TANGO6: variants seen among roughly 807,000 people sequenced by gnomAD.
TANGO6 encodes the protein transport and Golgi organization protein 6 homolog.
A neutral mutation model predicts 114.2 loss-of-function variants in TANGO6; 90 were observed. That is an observed-to-expected ratio of 0.79 (90% CI 0.66 to 0.94). The LOEUF is 0.94. Ranked by LOEUF, TANGO6 falls within the 40% of genes least tolerant of loss-of-function variation. The pLI, the probability that TANGO6 is intolerant of heterozygous loss-of-function variation, is 0.00. For synonymous variants in TANGO6, 477 were observed against 509.8 expected (o/e 0.94, Z 0.87); for missense variants, 1,274 against 1,315.3 (o/e 0.97, Z 0.49).
At chr16:69,073,723 G>A (rs576547884) in intron 17 of TANGO6, among the ~76,000 whole-genome samples, 3 of 152,276 alleles carry the variant, frequency 2.0e-5, no homozygotes, top group South Asian at 2.1e-4. Flanking sequence ...TTGGGAGGCC[G>A]AGGCCGGCAG....
At chr16:69,058,880 A>G (rs547007116) in intron 17 of TANGO6, among the ~76,000 whole-genome samples, 1 of 146,602 alleles carries the variant, frequency 6.8e-6, no homozygotes, top group East Asian at 2.0e-4. Context: ...GTTAGCCAGA[A>G]TGGTCTTTAA....
chr16:68,907,421 T>A (rs778832656), intron 9 of TANGO6, 22 bp from the exon 10 acceptor site: 1 of 1,555,854 alleles, frequency 6.4e-7, no homozygotes, highest in South Asian at 1.2e-5. Flanking sequence ...ACTACCAAGA[T>A]AAATTTTACC....
chr16:68,870,159 G>C (rs1962246010), intron 4 of TANGO6, among the ~76,000 whole-genome samples: 2 of 152,200 alleles, frequency 1.3e-5, no homozygotes, highest in African/African-American at 4.8e-5. Context: ...AATCACGGAG[G>C]CTTGGATTAA....
At chr16:69,061,745 C>A (rs1049820989) in intron 17 of TANGO6, among the ~76,000 whole-genome samples, 2 of 152,080 alleles carry the variant, frequency 1.3e-5, no homozygotes, top group African/African-American at 2.4e-5. Context: ...CGGCCGGGCG[C>A]GCGGTGGCTC....
intron 14 of TANGO6, among the ~76,000 whole-genome samples, chr16:68,962,276 A>G (rs556021391): frequency 5.4e-4 from 82 of 152,270 alleles, no homozygotes; most frequent in Admixed American, 9.2e-4. Flanking sequence ...AAAGGGTGGT[A>G]TTTCCTTCTC....
chr16:68,997,068 A>T (rs1963998262), intron 15 of TANGO6, among the ~76,000 whole-genome samples: 1 of 152,222 alleles, frequency 6.6e-6, no homozygotes, highest in Non-Finnish European at 1.5e-5. Context: ...TCTGTGGGTT[A>T]ATGTTTGTCA....
At chr16:69,030,149 G>A (rs1443547458) in intron 16 of TANGO6, among the ~76,000 whole-genome samples, 1 of 150,418 alleles carries the variant, frequency 6.6e-6, no homozygotes, top group African/African-American at 2.4e-5. Context: ...AGAACAGAGT[G>A]ATCAGTGTCC....
rs772741509 is a variant in TANGO6 at position 69,083,512 on chromosome 16, T to C, written c.3136T>C (p.Tyr1046His). ...GCTGAGCGCCGTCCTCAAGGATCTC[T>C]ACCACCTGCTGAAGCACGTAGTGTG... ...EVLSAVLKDL[Y>H]HLLKHVVCLE... The change falls in exon 18 of 18, where the codon TAC becomes CAC. Residue 1046 changes from tyrosine to histidine, a missense_variant. Coordinates refer to ENST00000261778, the MANE Select transcript of TANGO6 (RefSeq NM_024562.2). The C allele has an allele frequency of 3.7e-6, 6 of 1,612,280 alleles. No homozygotes were observed. Among genetic ancestry groups the C allele is most frequent in the African/African-American group, 1.3e-5 (1 of 74,922 alleles).
At chr16:69,015,353 A>C (rs2063794143) in intron 15 of TANGO6, among the ~76,000 whole-genome samples, 1 of 152,118 alleles carries the variant, frequency 6.6e-6, no homozygotes, top group Non-Finnish European at 1.5e-5. Context: ...GAGCCAGCTG[A>C]CCAGGTACAA....
At chr16:69,033,191 T>G (rs543201530) in intron 16 of TANGO6, among the ~76,000 whole-genome samples, 2 of 152,138 alleles carry the variant, frequency 1.3e-5, no homozygotes, top group African/African-American at 4.8e-5. Flanking sequence ...GTCTCAAAAA[T>G]AAGTAAATAA....
chr16:69,033,021 A>G (rs1296021190), intron 16 of TANGO6, among the ~76,000 whole-genome samples: 1 of 151,760 alleles, frequency 6.6e-6, no homozygotes, highest in Non-Finnish European at 1.5e-5. Context: ...CCCCATCTCC[A>G]CTAAAAATAC....
At chr16:68,951,960 A>G (rs1015512720) in intron 14 of TANGO6, among the ~76,000 whole-genome samples, 6 of 152,248 alleles carry the variant, frequency 3.9e-5, no homozygotes, top group South Asian at 2.1e-4. Context: ...ACCATGGATC[A>G]TGACATTTTC....
At chr16:69,067,327 G>A (rs1055728385) in intron 17 of TANGO6, among the ~76,000 whole-genome samples, 9 of 151,270 alleles carry the variant, frequency 5.9e-5, no homozygotes, top group African/African-American at 1.7e-4. Context: ...TGGCCAACAT[G>A]GTGAAACCCC....
intron 7 of TANGO6, among the ~76,000 whole-genome samples, chr16:68,891,522 A>G (rs1253004055): frequency 6.6e-6 from 1 of 152,140 alleles, no homozygotes; most frequent in Non-Finnish European, 1.5e-5. Context: ...GTTTTGTTTT[A>G]TTTTGTTTGC....
intron 14 of TANGO6, 131 bp from the exon 15 acceptor site, chr16:68,973,897 G>T: frequency 2.9e-6 from 3 of 1,038,540 alleles, no homozygotes; most frequent in East Asian, 2.6e-5. Flanking sequence ...CAAACAATAG[G>T]CAGCCCTTGC....
At chr16:69,054,964 A>C (rs1400547558) in intron 17 of TANGO6, among the ~76,000 whole-genome samples, 1 of 140,402 alleles carries the variant, frequency 7.1e-6, no homozygotes, top group Non-Finnish European at 1.6e-5. Flanking sequence ...AAAAAAAAAA[A>C]CTTCTGTTGC....
intron 15 of TANGO6, among the ~76,000 whole-genome samples, chr16:69,017,292 T>C (rs779480529): frequency 1.8e-4 from 28 of 152,228 alleles, no homozygotes; most frequent in Non-Finnish European, 3.4e-4. Context: ...GTATCTTTCT[T>C]GCTTATGATT....
In TANGO6 at chr16:68,909,310, G is replaced by C. The variant is rs753991633; in HGVS notation, c.1900G>C (p.Val634Leu). 1.9e-6 allele frequency: 3 copies of C among 1,610,650 alleles called. No individual in the cohort carries two copies. Among genetic ancestry groups the C allele is most frequent in the Non-Finnish European group, 2.5e-6 (3 of 1,178,368 alleles). ...ATTAGAGCAACATCAGACTCTTCTT[G>C]TGGAAGGCCAAGAGCGGAAGCTGCT... is the stretch of plus-strand genomic sequence containing the variant. Reference protein sequence around the residue: ...LELEQHQTLLVEGQERKLLVL... With the variant: ...LELEQHQTLLLEGQERKLLVL... Residue 634 changes from valine (V) to leucine (L), a missense_variant, in exon 11 of 18, where the codon GTG becomes CTG. Transcript: ENST00000261778.
chr16:69,031,822 T>C (rs1959598372), intron 16 of TANGO6, among the ~76,000 whole-genome samples: 1 of 151,852 alleles, frequency 6.6e-6, no homozygotes, highest in Admixed American at 6.6e-5. Context: ...CACACCCAGC[T>C]AATTTTTTTT....
Sources: gnomAD v4.1 joint callset for allele counts (sites outside exome capture counted in the v4.1 genomes callset) on GRCh38, gnomAD v4.1.1 for gene constraint, MANE v1.5 for transcripts, NCBI Gene and HGNC (gene_info 2026-07-23, HGNC 2026-07-21) for gene names.